Variants in RARB observed in about 807,000 individuals in gnomAD.
RARB encodes HBV-activated protein.
RARB carries 17 observed loss-of-function variants against 51.9 expected under a neutral mutation model. That is an observed-to-expected ratio of 0.33 (90% CI 0.22 to 0.49). RARB has a LOEUF of 0.49. RARB is among the 20% of genes least tolerant of loss of function. The pLI is 0.99. For synonymous variants in RARB, 215 were observed against 195.4 expected (o/e 1.10, Z -0.84); for missense variants, 369 against 550.8 (o/e 0.67, Z 3.30).
At chr3:25,421,008 AAC>A (rs2125506922) in intron 5 of RARB, among the ~76,000 whole-genome samples, 1 of 151,938 alleles carries the variant, frequency 6.6e-6, no homozygotes, top group East Asian at 1.9e-4. Flanking sequence ...AAAAAAAAAA[AAC>A]AGAGTCATAT....
chr3:25,258,349 T>C (rs1382066644), intron 5 of RARB, among the ~76,000 whole-genome samples: 1 of 152,142 alleles, frequency 6.6e-6, no homozygotes, highest in African/African-American at 2.4e-5. Flanking sequence ...CTGTGATAGT[T>C]GTATGTTGTT....
rs1401593176 is a variant in RARB at position 25,064,930 on chromosome 3, T to C, written c.-328+4754T>C. Among the ~76,000 whole-genome samples, 12 of 152,242 alleles carry C rather than the reference T, an allele frequency of 7.9e-5. 1 individual carries two copies. In the South Asian group the frequency reaches 2.5e-3, roughly 32 times the overall value. On this transcript the variant is annotated intron_variant, in intron 3 of 11. Transcript: ENST00000383772. ...GAAAGCAAAGAATCTGTGATGCAAA[T>C]GCCCTACACTAACCCAGCTTATGTG...
chr3:25,125,736 C>G (rs1699850027), intron 3 of RARB, among the ~76,000 whole-genome samples: 1 of 152,138 alleles, frequency 6.6e-6, no homozygotes, highest in South Asian at 2.1e-4. Flanking sequence ...TTTAGTAGCT[C>G]TATATGCACA....
chr3:25,561,488 G>A (rs891876849), intron 3 of RARB, among the ~76,000 whole-genome samples: 15 of 151,746 alleles, frequency 9.9e-5, no homozygotes, highest in African/African-American at 3.6e-4. Context: ...GTACTTCTGG[G>A]TTCACTGGGC....
intron 2 of RARB, among the ~76,000 whole-genome samples, chr3:25,476,254 C>T (rs1301143535): frequency 6.6e-6 from 1 of 152,200 alleles, no homozygotes; most frequent in African/African-American, 2.4e-5. Context: ...TTACTCCTTT[C>T]TTCTGCTCTA....
At chr3:25,467,795 C>G (rs1305249927) in intron 2 of RARB, among the ~76,000 whole-genome samples, 1 of 152,194 alleles carries the variant, frequency 6.6e-6, no homozygotes, top group African/African-American at 2.4e-5. Context: ...AATCATTCAT[C>G]CTTAAGCATA....
intron 2 of RARB, among the ~76,000 whole-genome samples, chr3:24,956,965 C>T (rs1198391884): frequency 3.3e-5 from 5 of 152,148 alleles, no homozygotes; most frequent in African/African-American, 2.4e-5. Context: ...GTTACGGAGT[C>T]GAGATGCTAT....
chr3:25,050,140 T>C (rs957126532), intron 2 of RARB, among the ~76,000 whole-genome samples: 1 of 152,228 alleles, frequency 6.6e-6, no homozygotes, highest in African/African-American at 2.4e-5. Context: ...GACAAGTTTC[T>C]GGGCTTGGAG....
intron 1 of RARB, among the ~76,000 whole-genome samples, chr3:24,851,003 A>T (rs147953870): frequency 6.6e-6 from 1 of 152,238 alleles, no homozygotes; most frequent in Non-Finnish European, 1.5e-5. Context: ...TGAAATGTTG[A>T]TCATTTCAAG....
intron 5 of RARB, among the ~76,000 whole-genome samples, chr3:25,370,264 A>T (rs1706258185): frequency 6.6e-6 from 1 of 151,892 alleles, no homozygotes; most frequent in South Asian, 2.1e-4. Context: ...TGCATGAAAT[A>T]TACTAAATTA....
intron 2 of RARB, among the ~76,000 whole-genome samples, chr3:24,943,793 G>A (rs17015508): frequency 0.022 from 3,420 of 152,272 alleles, 132 homozygotes; most frequent in African/African-American, 0.075. Context: ...TCAAAGATTA[G>A]AATCTGCAGT....
intron 5 of RARB, among the ~76,000 whole-genome samples, chr3:25,593,230 G>T (rs973437822): frequency 1.3e-5 from 2 of 151,404 alleles, no homozygotes; most frequent in Non-Finnish European, 2.9e-5. Flanking sequence ...CTCAGTAAAT[G>T]TTTATTTGAG....
At chr3:25,544,483 C>T (rs1699526640) in intron 3 of RARB, among the ~76,000 whole-genome samples, 1 of 152,186 alleles carries the variant, frequency 6.6e-6, no homozygotes, top group Non-Finnish European at 1.5e-5. Flanking sequence ...TCACCAAAAA[C>T]CAATTACTAC....
At chr3:24,995,818 G>A (rs545543648) in intron 2 of RARB, among the ~76,000 whole-genome samples, 1 of 152,044 alleles carries the variant, frequency 6.6e-6, no homozygotes. Context: ...ATCCTACTTG[G>A]TCACATTGCA....
intron 2 of RARB, among the ~76,000 whole-genome samples, chr3:24,884,516 A>G (rs1425954569): frequency 6.6e-6 from 1 of 152,148 alleles, no homozygotes; most frequent in Non-Finnish European, 1.5e-5. Flanking sequence ...GATTATCTCT[A>G]GAGATAAAAT....
rs187693103 is a variant in RARB, at chr3:25,121,709, T to C, written c.-327-10452T>C. On this transcript the variant is annotated intron_variant, in intron 3 of 11. Coordinates refer to the RARB transcript ENST00000383772. ...CAGTAACTTGTACATAGGAGGTGTT[T>C]AGTAAATACTTGCTGAATTAATAGG... Among the ~76,000 whole-genome samples the C allele has an allele frequency of 7.8e-4, 119 of 152,292 alleles. 1 individual carries two copies. Among genetic ancestry groups the C allele is most frequent in the African/African-American group, 2.6e-3 (108 of 41,568 alleles).
In RARB at chr3:25,412,649, C is replaced by A. The variant is rs80023292; in HGVS notation, c.179-48544C>A. ...AATAAAACATTTATAGAAAGGAATACATAAATCATAAATGTATACAGCTTA... is the reference window on the plus strand; with the variant it reads ...AATAAAACATTTATAGAAAGGAATAAATAAATCATAAATGTATACAGCTTA... On this transcript the variant is annotated intron_variant, in intron 5 of 11. Coordinates refer to the RARB transcript ENST00000383772. Among the ~76,000 whole-genome samples the A allele has an allele frequency of 2.0e-3, 305 of 152,288 alleles. 3 individuals are homozygous for A. The East Asian group carries it at 0.023, about 11-fold the overall frequency.
chr3:25,169,470 G>A (rs750505332), intron 4 of RARB, among the ~76,000 whole-genome samples: 1 of 152,230 alleles, frequency 6.6e-6, no homozygotes, highest in East Asian at 1.9e-4. Context: ...AAATAAAGCT[G>A]TTAACTCCAG....
rs535097698 is a variant in RARB, at chr3:25,358,488, A to T, written c.179-102705A>T. On this transcript the variant is annotated intron_variant, in intron 5 of 11. Transcript: ENST00000383772. ...ACCCTTTATTTCTTTCTCTTGCCTG[A>T]TTGCCCTGGCCAGAACTTCCAATAC... 9.2e-5 allele frequency among the ~76,000 whole-genome samples: 14 copies of T among 152,238 alleles called. No individual in the cohort carries two copies. The South Asian group carries it at 2.7e-3, about 29-fold the overall frequency.
Sources: allele counts gnomAD v4.1 joint callset (sites outside exome capture counted in the v4.1 genomes callset), GRCh38; gene constraint gnomAD v4.1.1; transcripts MANE v1.5; gene names NCBI Gene and HGNC (gene_info 2026-07-23, HGNC 2026-07-21).